KITLG: variants seen among roughly 807,000 people sequenced by gnomAD.
KITLG encodes KIT ligand, also known as c-Kit ligand.
In KITLG, 13 loss-of-function variants were observed where a neutral mutation model predicts 34.1. The ratio of observed to expected loss-of-function variants is 0.38; its 90% CI spans 0.25 to 0.61. KITLG has a LOEUF of 0.61. Ranked by LOEUF, KITLG falls within the 20% of genes least tolerant of loss-of-function variation. The pLI is 0.60. For missense variants in KITLG, 292 were observed against 318.9 expected, an observed-to-expected ratio of 0.92 and a Z score of 0.64; for synonymous variants, 110 against 104.0, an observed-to-expected ratio of 1.06 and a Z score of -0.35.
chr12:88,561,633 C>T (rs1871301676), intron 1 of KITLG, among the ~76,000 whole-genome samples: 1 of 152,322 alleles, frequency 6.6e-6, no homozygotes, highest in South Asian at 2.1e-4. Context: ...TCTCCCAATG[C>T]CTTCCCATTA....
rs1321772583 is a variant in KITLG at position 88,493,504 on chromosome 12, T to TA, written c.*3714_*3715insT. 1 of 152,134 alleles carries TA rather than the reference T, an allele frequency of 6.6e-6. No homozygotes were observed. The highest frequency in any genetic ancestry group is 1.9e-4 in the East Asian group (1 of 5,196). The allele number at this position is 152,134 out of a possible 1,614,324, so 9.4% of individuals were successfully genotyped here. On this transcript the variant is annotated 3_prime_UTR_variant, in exon 10 of 10. Coordinates refer to ENST00000644744, the MANE Select transcript of KITLG (RefSeq NM_000899.5). ...AACTCCACAAATGAGCTAATTAGAA[T>TA]TTCAATCTGAATGGTTTTATTTTAA...
intron 9 of KITLG, among the ~76,000 whole-genome samples, chr12:88,498,591 T>C (rs1401506265): frequency 6.6e-6 from 1 of 152,148 alleles, no homozygotes; most frequent in East Asian, 1.9e-4. Flanking sequence ...GAATTAAATA[T>C]AGGACAGGCA....
chr12:88,554,189 G>A (rs1303782186), intron 1 of KITLG, among the ~76,000 whole-genome samples: 1 of 152,108 alleles, frequency 6.6e-6, no homozygotes, highest in Non-Finnish European at 1.5e-5. Context: ...TAAAATGCAT[G>A]CAGCCTAAGA....
At chr12:88,515,813 C>T (rs11833349) in intron 5 of KITLG, among the ~76,000 whole-genome samples, 196 bp from the exon 6 acceptor site, 1 of 151,566 alleles carries the variant, frequency 6.6e-6, no homozygotes, top group African/African-American at 2.4e-5. Context: ...CCTTGTAGAA[C>T]AAATACTTAT....
At chr12:88,531,154 T>C (rs1441193246) in intron 3 of KITLG, among the ~76,000 whole-genome samples, 1 of 152,180 alleles carries the variant, frequency 6.6e-6, no homozygotes, top group African/African-American at 2.4e-5. Context: ...TAACATAAAA[T>C]TATTAAATAT....
intron 1 of KITLG, among the ~76,000 whole-genome samples, chr12:88,578,783 A>G (rs1266162910): frequency 6.6e-6 from 1 of 152,178 alleles, no homozygotes; most frequent in Admixed American, 6.5e-5. Context: ...TCTCACCACC[A>G]TCCATGGGAG....
chr12:88,573,266 T>G (rs1871716544), intron 1 of KITLG, among the ~76,000 whole-genome samples: 1 of 152,170 alleles, frequency 6.6e-6, no homozygotes, highest in Non-Finnish European at 1.5e-5. Flanking sequence ...TGACAAGGCC[T>G]TTATAACAAA....
At chr12:88,497,656 G>A (rs544374375) in intron 9 of KITLG, among the ~76,000 whole-genome samples, 1 of 152,264 alleles carries the variant, frequency 6.6e-6, no homozygotes, top group African/African-American at 2.4e-5. Context: ...AGTAAACAGG[G>A]GTGAAGGGAG....
intron 3 of KITLG, among the ~76,000 whole-genome samples, chr12:88,526,385 C>T (rs770607245): frequency 2.0e-5 from 3 of 152,184 alleles, no homozygotes; most frequent in Non-Finnish European, 2.9e-5. Flanking sequence ...GCACTCACCT[C>T]ATCATTATAA....
chr12:88,541,908 G>A (rs1870532683), intron 2 of KITLG, among the ~76,000 whole-genome samples: 1 of 152,192 alleles, frequency 6.6e-6, no homozygotes, highest in Non-Finnish European at 1.5e-5. Flanking sequence ...TGTGGGCACA[G>A]TGCAGGTTGC....
chr12:88,537,925 C>A (rs551379052), intron 2 of KITLG, among the ~76,000 whole-genome samples: 1 of 152,238 alleles, frequency 6.6e-6, no homozygotes, highest in Admixed American at 6.5e-5. Context: ...TGGAGACAGA[C>A]CACTCAGGTT....
At chr12:88,518,265 A>T (rs929695389) in intron 4 of KITLG, among the ~76,000 whole-genome samples, 2 of 152,158 alleles carry the variant, frequency 1.3e-5, no homozygotes, top group Non-Finnish European at 2.9e-5. Flanking sequence ...ATGATCAGTT[A>T]TCCAATGACT....
intron 1 of KITLG, among the ~76,000 whole-genome samples, chr12:88,558,578 T>A (rs551323632): frequency 6.6e-6 from 1 of 152,352 alleles, no homozygotes; most frequent in African/African-American, 2.4e-5. Flanking sequence ...TGGAATAAAC[T>A]GTTAAAATGT....
intron 3 of KITLG, among the ~76,000 whole-genome samples, chr12:88,528,878 G>T (rs545531355): frequency 1.6e-4 from 24 of 152,120 alleles, no homozygotes; most frequent in African/African-American, 5.8e-4. Flanking sequence ...AAAACTAAAA[G>T]AAAACTGATG....
intron 1 of KITLG, among the ~76,000 whole-genome samples, chr12:88,558,423 C>G (rs1214398494): frequency 6.6e-6 from 1 of 152,044 alleles, no homozygotes; most frequent in East Asian, 1.9e-4. Flanking sequence ...ATGAGTGGAG[C>G]TAGAGACATG....
chr12:88,529,103 G>T (rs916022290), intron 3 of KITLG, among the ~76,000 whole-genome samples: 1 of 152,040 alleles, frequency 6.6e-6, no homozygotes, highest in Non-Finnish European at 1.5e-5. Context: ...AAAATATCAC[G>T]TGTACCCCAT....
chr12:88,519,517 T>C (rs1342674433), intron 3 of KITLG, among the ~76,000 whole-genome samples: 1 of 152,144 alleles, frequency 6.6e-6, no homozygotes, highest in Non-Finnish European at 1.5e-5. Flanking sequence ...TCAGAGTAAC[T>C]GATGTCATGG....
At chr12:88,534,441 C>T (rs1171520007) in intron 2 of KITLG, among the ~76,000 whole-genome samples, 2 of 152,012 alleles carry the variant, frequency 1.3e-5, no homozygotes, top group African/African-American at 4.8e-5. Context: ...TAGCACAATC[C>T]TGGCTCACTC....
chr12:88,510,770 C>T (rs116494801), intron 6 of KITLG, among the ~76,000 whole-genome samples: 93 of 152,206 alleles, frequency 6.1e-4, no homozygotes, highest in African/African-American at 2.1e-3. Flanking sequence ...TTTTCATATG[C>T]CCTGGTACTC....
Sources: gnomAD v4.1 joint callset for allele counts (sites outside exome capture counted in the v4.1 genomes callset) on GRCh38, gnomAD v4.1.1 for gene constraint, MANE v1.5 for transcripts, NCBI Gene and HGNC (gene_info 2026-07-23, HGNC 2026-07-21) for gene names.